MSH3: variants seen among roughly 807,000 people sequenced by gnomAD.
The protein encoded by MSH3 is DNA mismatch repair protein Msh3.
A neutral mutation model predicts 123.3 loss-of-function variants in MSH3; 106 were observed. The ratio of observed to expected loss-of-function variants is 0.86; its 90% confidence interval spans 0.73 to 1.01. The LOEUF (loss-of-function observed/expected upper bound fraction) is 1.01, where lower values mean the gene tolerates loss of function less well. MSH3 is among the 50% of genes least tolerant of loss of function. The pLI is 0.00. For missense variants in MSH3, 1,459 were observed against 1,347.6 expected (o/e 1.08, Z -1.29); for synonymous variants, 515 against 481.4 (o/e 1.07, Z -0.91).
chr5:80,664,760 C>G (rs572188841), intron 2 of MSH3, among the ~76,000 whole-genome samples: 1 of 152,110 alleles, frequency 6.6e-6, no homozygotes, highest in African/African-American at 2.4e-5. Context: ...TAATTACTGA[C>G]TTAGTATTTA....
intron 20 of MSH3, among the ~76,000 whole-genome samples, chr5:80,845,283 T>TGG (rs573738113): frequency 1.3e-5 from 2 of 152,250 alleles, no homozygotes; most frequent in African/African-American, 4.8e-5. Flanking sequence ...GTTAGTCTGA[T>TGG]GGGCTTCCCT....
intron 12 of MSH3, among the ~76,000 whole-genome samples, chr5:80,757,640 T>A (rs1743950294): frequency 6.6e-6 from 1 of 152,152 alleles, no homozygotes; most frequent in Admixed American, 6.6e-5. Flanking sequence ...TCAGTTAATT[T>A]AAGTTGTATA....
chr5:80,746,229 AT>A, intron 12 of MSH3: 1 of 252,490 alleles, frequency 4.0e-6, no homozygotes, highest in Non-Finnish European at 7.8e-6. Flanking sequence ...CATACGATTG[AT>A]TTGCTACTGC....
chr5:80,663,729 C>A lies in MSH3; in HGVS notation c.359-1414C>A, dbSNP rs1274584166. Among the ~76,000 whole-genome samples the A allele has an allele frequency of 3.3e-5, 5 of 152,008 alleles. No individual in the cohort carries two copies. The East Asian group carries it at 9.6e-4, about 29-fold the overall frequency. On this transcript the variant is annotated intron_variant, in intron 2 of 23. Coordinates refer to ENST00000265081, the MANE Select transcript of MSH3 (RefSeq NM_002439.5). ...TGTGGCTAGAAAATTCACAGGAGAT[C>A]TAATGAAAGCCTGTGAAGAGGTTTA...
At chr5:80,740,157 C>T (rs974668482) in intron 10 of MSH3, among the ~76,000 whole-genome samples, 3 of 152,146 alleles carry the variant, frequency 2.0e-5, no homozygotes, top group African/African-American at 4.8e-5. Flanking sequence ...CTTCTTAACA[C>T]GAATTGGAAT....
intron 12 of MSH3, among the ~76,000 whole-genome samples, chr5:80,751,428 C>T (rs1170467864): frequency 1.3e-5 from 2 of 152,124 alleles, no homozygotes; most frequent in African/African-American, 4.8e-5. Flanking sequence ...AAAGGATTCT[C>T]TATGTGATAA....
rs1304615873 is a variant in MSH3, at chr5:80,787,748, A to G, written c.2543+76A>G. The G allele has an allele frequency of 3.4e-5, 33 of 960,238 alleles. No homozygotes were observed. In the Admixed American group the frequency reaches 5.8e-4, roughly 17 times the overall value. 59.5% of individuals were successfully genotyped at this position (960,238 alleles called of 1,614,324 possible). A position where few individuals can be genotyped will look rare whatever the true frequency, so the allele number is the denominator to read the frequency against. On this transcript the variant is annotated intron_variant, in intron 18 of 23. Transcript: ENST00000265081. ...TTATTCAATTAATTATAGTGTCTTTATTATAAAATATTACAGTTACTCAAA... is the reference window on the plus strand; with the variant it reads ...TTATTCAATTAATTATAGTGTCTTTGTTATAAAATATTACAGTTACTCAAA...
rs1205391077 is a variant in MSH3 at position 80,743,573 on chromosome 5, G to A, written c.1654-933G>A. Reference sequence around the variant, plus strand: ...GGATTAAAAAAACCCGGCCGGGCGCGGTGGCTCACGCCTGTAATCCCAGCA... The same window carrying A: ...GGATTAAAAAAACCCGGCCGGGCGCAGTGGCTCACGCCTGTAATCCCAGCA... On this transcript the variant is annotated intron_variant, in intron 11 of 23. Transcript: ENST00000265081. Among the ~76,000 whole-genome samples, 7 of 62,192 alleles carry A rather than the reference G, an allele frequency of 1.1e-4. 3 individuals carry two copies. Among genetic ancestry groups the A allele is most frequent in the African/African-American group, 4.2e-4 (7 of 16,610 alleles). The allele number at this position is 62,192 out of a possible 152,430, so 40.8% of individuals were successfully genotyped here.
intron 9 of MSH3, among the ~76,000 whole-genome samples, chr5:80,728,083 A>G (rs545024073): frequency 1.3e-5 from 2 of 152,322 alleles, no homozygotes; most frequent in East Asian, 1.9e-4. Context: ...GCTCAGAAAT[A>G]AAGAGGAGAT....
intron 8 of MSH3, among the ~76,000 whole-genome samples, chr5:80,679,579 CTG>C (rs1324424939): frequency 1.4e-4 from 22 of 152,302 alleles, no homozygotes; most frequent in Non-Finnish European, 2.8e-4. Flanking sequence ...GATGCTTTGT[CTG>C]TGCTGCAAGT....
At chr5:80,772,548 A>G (rs892007132) in intron 15 of MSH3, among the ~76,000 whole-genome samples, 2 of 152,182 alleles carry the variant, frequency 1.3e-5, no homozygotes, top group African/African-American at 2.4e-5. Flanking sequence ...GAGATTGCTT[A>G]TAATGAATCA....
intron 8 of MSH3, among the ~76,000 whole-genome samples, chr5:80,712,116 G>T (rs1750871178): frequency 2.0e-5 from 3 of 152,140 alleles, no homozygotes; most frequent in Non-Finnish European, 4.4e-5. Flanking sequence ...TCCTGTGATG[G>T]CTGCCTCCTG....
chr5:80,714,127 A>C (rs971515947), intron 8 of MSH3, among the ~76,000 whole-genome samples: 8 of 141,070 alleles, frequency 5.7e-5, no homozygotes, highest in Non-Finnish European at 1.2e-4. Context: ...AATTTCAAAT[A>C]GACTTTTTTT....
chr5:80,845,524 A>G (rs772476207), intron 20 of MSH3, among the ~76,000 whole-genome samples: 1 of 152,178 alleles, frequency 6.6e-6, no homozygotes, highest in Non-Finnish European at 1.5e-5. Flanking sequence ...TCTCCCCGTC[A>G]CTTTCCAGTA....
intron 19 of MSH3, among the ~76,000 whole-genome samples, chr5:80,796,743 C>T (rs1744705166): frequency 6.6e-6 from 1 of 152,240 alleles, no homozygotes; most frequent in East Asian, 1.9e-4. Flanking sequence ...CGCTTTTCCT[C>T]TCCCAGTTTT....
chr5:80,656,411 G>C lies in MSH3; in HGVS notation c.238G>C (p.Ala80Pro). The C allele has an allele frequency of 6.2e-7, 1 of 1,614,058 alleles. No homozygotes were observed. Among genetic ancestry groups the C allele is most frequent in the East Asian group, 2.2e-5 (1 of 44,880 alleles). ...AFPPQLPPHI[A>P]TEIDRRKKRP... ...TCATTTTCTAACCTTCCCGATATAG[G>C]CTACAGAAATTGACAGAAGAAAGAA... Residue 80 changes from alanine (A) to proline (P), a missense_variant and splice_region_variant, in exon 2 of 24, where the codon GCT (alanine) becomes CCT (proline). Transcript: ENST00000265081.
chr5:80,789,687 G>A (rs771937694), intron 18 of MSH3, among the ~76,000 whole-genome samples: 7 of 152,244 alleles, frequency 4.6e-5, no homozygotes, highest in Non-Finnish European at 1.0e-4. Context: ...CACTTTCTTT[G>A]CAAAATGTGA....
chr5:80,665,010 A>G, intron 2 of MSH3, 133 bp from the exon 3 acceptor site: 1 of 683,888 alleles, frequency 1.5e-6, no homozygotes, highest in Non-Finnish European at 2.4e-6. Context: ...CTTTTTTTAA[A>G]AAAATCACAT....
At chr5:80,699,775 T>A (rs1053676415) in intron 8 of MSH3, among the ~76,000 whole-genome samples, 7 of 152,188 alleles carry the variant, frequency 4.6e-5, no homozygotes, top group Non-Finnish European at 8.8e-5. Context: ...GTAAATTGAT[T>A]GAAGCATCCT....
Sources: allele counts gnomAD v4.1 joint callset (sites outside exome capture counted in the v4.1 genomes callset), GRCh38; gene constraint gnomAD v4.1.1; transcripts MANE v1.5; gene names NCBI Gene and HGNC (gene_info 2026-07-23, HGNC 2026-07-21).